The following NBEAL1 variants were observed in gnomAD, a reference collection of about 807,000 sequenced individuals.
NBEAL1 encodes neurobeachin like 1.
A neutral mutation model predicts 351.3 loss-of-function variants in NBEAL1; 273 were observed. That is an observed-to-expected ratio of 0.78 (90% confidence interval 0.70 to 0.86). The LOEUF is 0.86. Ranked by LOEUF, NBEAL1 falls within the 40% of genes least tolerant of loss-of-function variation. NBEAL1 has a pLI of 0.00. For missense variants in NBEAL1, 2,961 were observed against 3,201.3 expected (o/e 0.92, Z 1.81); for synonymous variants, 1,050 against 1,086.4 (o/e 0.97, Z 0.66).
Position 203,223,633 on chromosome 2 carries a change from A to C in NBEAL1, c.*6279A>C, listed in dbSNP as rs2065978790. Reference sequence around the variant, plus strand: ...ACTTTTTAAAAGAAGTCCTATTCCAATTGGACCTTTAAAATTTTTATTTTG... The same window carrying C: ...ACTTTTTAAAAGAAGTCCTATTCCACTTGGACCTTTAAAATTTTTATTTTG... On this transcript the variant is annotated 3_prime_UTR_variant, in exon 56 of 56. Coordinates refer to ENST00000683969, the MANE Select transcript of NBEAL1 (RefSeq NM_001378026.1). 6.6e-6 allele frequency among the ~76,000 whole-genome samples: 1 copy of C among 152,090 alleles called. No individual in the cohort carries two copies. The highest frequency in any genetic ancestry group is 1.5e-5 in the Non-Finnish European group (1 of 67,922).
chr2:203,207,085 G>A (rs2065608656), intron 51 of NBEAL1, among the ~76,000 whole-genome samples: 1 of 151,782 alleles, frequency 6.6e-6, no homozygotes. Context: ...CGTCCGGGAT[G>A]TGAGGAGCGT....
intron 48 of NBEAL1, among the ~76,000 whole-genome samples, chr2:203,197,627 G>A (rs1184410192): frequency 2.0e-5 from 3 of 152,114 alleles, no homozygotes; most frequent in Non-Finnish European, 4.4e-5. Context: ...ATAAAAATAG[G>A]CTGGGCACAG....
intron 20 of NBEAL1, 66 bp from the exon 21 acceptor site, chr2:203,125,892 GAT>G: frequency 7.7e-7 from 1 of 1,297,254 alleles, no homozygotes; most frequent in Non-Finnish European, 1.0e-6. Context: ...TGTGCATTAA[GAT>G]ATAGAAAATG....
chr2:203,190,829 G>T, intron 46 of NBEAL1: 1 of 1,610,902 alleles, frequency 6.2e-7, no homozygotes, highest in Admixed American at 1.7e-5. Flanking sequence ...TACCTGAGGT[G>T]CACCGGAGGT....
intron 10 of NBEAL1, among the ~76,000 whole-genome samples, chr2:203,093,925 C>G (rs1283502426): frequency 1.3e-5 from 2 of 152,012 alleles, no homozygotes; most frequent in African/African-American, 4.8e-5. Context: ...AATAGTCTTC[C>G]TTATTTCTGG....
chr2:203,164,076 T>A (rs2064053435), intron 36 of NBEAL1, among the ~76,000 whole-genome samples: 2 of 151,978 alleles, frequency 1.3e-5, no homozygotes. Flanking sequence ...TCTTAATTGC[T>A]TTATAGAAGT....
intron 3 of NBEAL1, among the ~76,000 whole-genome samples, chr2:203,049,406 C>A (rs765017983): frequency 1.1e-4 from 17 of 152,078 alleles, no homozygotes; most frequent in Non-Finnish European, 2.2e-4. Context: ...TTTTACTTTA[C>A]AGTTATTGTT....
At chr2:203,071,853 C>T (rs989266435) in intron 7 of NBEAL1, among the ~76,000 whole-genome samples, 3 of 152,152 alleles carry the variant, frequency 2.0e-5, no homozygotes, top group Admixed American at 1.3e-4. Context: ...AAGCCTAAAA[C>T]CTAGTAAGGT....
intron 10 of NBEAL1, among the ~76,000 whole-genome samples, chr2:203,090,323 A>AT (rs2062039885): frequency 6.6e-6 from 1 of 152,052 alleles, no homozygotes; most frequent in Non-Finnish European, 1.5e-5. Flanking sequence ...CCAATGGATA[A>AT]TTTTTCAACC....
Position 203,190,274 on chromosome 2 carries a change from G to T in NBEAL1, c.6824-18G>T. On this transcript the variant is annotated intron_variant, in intron 45 of 55. Transcript: ENST00000683969. Reference sequence around the variant, plus strand: ...ATTTGTTTTCACTCTATAGTAAGTTGACTTCTTCTGGTTTTAGGAGCTGTG... The same window carrying T: ...ATTTGTTTTCACTCTATAGTAAGTTTACTTCTTCTGGTTTTAGGAGCTGTG... The T allele has an allele frequency of 6.3e-7, 1 of 1,578,292 alleles. No homozygotes were observed. The highest frequency in any genetic ancestry group is 1.1e-5 in the South Asian group (1 of 87,256).
intron 9 of NBEAL1, 83 bp from the exon 10 acceptor site, chr2:203,084,380 A>T (rs2061926895): frequency 1.5e-5 from 9 of 616,938 alleles, no homozygotes; most frequent in Admixed American, 4.2e-5. Context: ...TTTAAAAATT[A>T]AAAAGAAAAA....
At chr2:203,029,071 C>G (rs962235169) in intron 2 of NBEAL1, among the ~76,000 whole-genome samples, 13 of 152,250 alleles carry the variant, frequency 8.5e-5, no homozygotes, top group Admixed American at 5.2e-4. Context: ...CTACAACCTC[C>G]ACCTCCCGAG....
intron 2 of NBEAL1, among the ~76,000 whole-genome samples, chr2:203,022,600 T>A (rs1574856894): frequency 6.6e-6 from 1 of 152,356 alleles, no homozygotes; most frequent in East Asian, 1.9e-4. Flanking sequence ...AGAGATTTTA[T>A]TTAAATGTAT....
chr2:203,199,802 C>T (rs2065344179), intron 49 of NBEAL1, among the ~76,000 whole-genome samples: 2 of 151,954 alleles, frequency 1.3e-5, no homozygotes, highest in South Asian at 4.1e-4. Flanking sequence ...CAGATTATCT[C>T]TTCTTCCCTC....
rs1414059308 is a variant in NBEAL1, at chr2:203,136,632, C to G, written c.4423C>G (p.His1475Asp). 2.5e-6 allele frequency: 4 copies of G among 1,611,450 alleles called. 1 individual carries two copies. The South Asian group carries it at 4.4e-5, about 18-fold the overall frequency. ...GGAGGAGCTTCTTCAATTACTGACACATATTTTGAATTATGTAATGTGTAA... is the reference window on the plus strand; with the variant it reads ...GGAGGAGCTTCTTCAATTACTGACAGATATTTTGAATTATGTAATGTGTAA... ...CEEELLQLLTHILNYVMCKGL... is the reference protein window; with the variant it reads ...CEEELLQLLTDILNYVMCKGL... The change falls in exon 29 of 56, where the codon CAT becomes GAT. Residue 1475 changes from histidine (H) to aspartate (D), a missense_variant. Coordinates refer to ENST00000683969, the MANE Select transcript of NBEAL1 (RefSeq NM_001378026.1).
chr2:203,171,265 A>G (rs2064310500), intron 39 of NBEAL1, among the ~76,000 whole-genome samples: 1 of 149,172 alleles, frequency 6.7e-6, no homozygotes, highest in South Asian at 2.1e-4. Flanking sequence ...TCTCAAAAAT[A>G]AAAAAGTAAT....
intron 4 of NBEAL1, chr2:203,050,230 TA>T (rs1419046635): frequency 3.9e-6 from 1 of 255,378 alleles, no homozygotes; most frequent in African/African-American, 2.2e-5. Flanking sequence ...ATAAATTAAG[TA>T]AATAAAAAAG....
chr2:203,132,685 T>A (rs1022171363), intron 26 of NBEAL1, among the ~76,000 whole-genome samples: 25 of 152,176 alleles, frequency 1.6e-4, no homozygotes, highest in Admixed American at 6.6e-4. Context: ...TTTTTTTAAA[T>A]AATTTTTTTC....
intron 12 of NBEAL1, among the ~76,000 whole-genome samples, chr2:203,102,805 G>T (rs1439916527): frequency 6.6e-6 from 1 of 152,140 alleles, no homozygotes; most frequent in Non-Finnish European, 1.5e-5. Flanking sequence ...TTGGTATCAG[G>T]GTGATGTTGG....
Sources: gnomAD v4.1 joint callset for allele counts (sites outside exome capture counted in the v4.1 genomes callset) on GRCh38, gnomAD v4.1.1 for gene constraint, MANE v1.5 for transcripts, NCBI Gene and HGNC (gene_info 2026-07-23, HGNC 2026-07-21) for gene names.